The following DNER variants were observed in gnomAD, a reference collection of about 807,000 sequenced individuals.
The protein encoded by DNER is delta and Notch-like epidermal growth factor-related receptor.
In DNER, 33 loss-of-function variants were observed where a neutral mutation model predicts 78.2. The ratio of observed to expected loss-of-function variants is 0.42; its 90% CI spans 0.32 to 0.56. The LOEUF (loss-of-function observed/expected upper bound fraction) is 0.56, where lower values mean the gene tolerates loss of function less well. Ranked by LOEUF, DNER falls within the 20% of genes least tolerant of loss-of-function variation. The probability of loss-of-function intolerance (pLI) is 0.11; values close to 1 mark genes in which losing one functional copy is unlikely to be tolerated. For synonymous variants in DNER, 417 were observed against 384.8 expected (o/e 1.08, Z -0.98); for missense variants, 918 against 975.3 (o/e 0.94, Z 0.78).
chr2:229,417,392 G>C (rs1020855968), intron 9 of DNER, among the ~76,000 whole-genome samples: 8 of 152,230 alleles, frequency 5.3e-5, no homozygotes, highest in East Asian at 1.9e-4. Context: ...TTATGGCTTA[G>C]AGAAATGTGT....
At chr2:229,610,691 G>A (rs1429042465) in intron 1 of DNER, among the ~76,000 whole-genome samples, 2 of 151,938 alleles carry the variant, frequency 1.3e-5, no homozygotes, top group Non-Finnish European at 2.9e-5. Context: ...CTCAACCACC[G>A]ACAGTGTACT....
chr2:229,457,860 A>T (rs1694609824), intron 7 of DNER, among the ~76,000 whole-genome samples: 1 of 151,640 alleles, frequency 6.6e-6, no homozygotes, highest in South Asian at 2.1e-4. Context: ...AAGTAAGGAC[A>T]GGTGCGGTGG....
intron 7 of DNER, among the ~76,000 whole-genome samples, chr2:229,460,942 C>T (rs1694685884): frequency 6.6e-6 from 1 of 152,038 alleles, no homozygotes; most frequent in Admixed American, 6.6e-5. Context: ...GTCCGATTCC[C>T]CCTTGTAGAA....
intron 7 of DNER, among the ~76,000 whole-genome samples, chr2:229,462,462 G>A (rs986048917): frequency 5.3e-5 from 8 of 152,008 alleles, no homozygotes; most frequent in Admixed American, 3.3e-4. Flanking sequence ...ATACCTGATT[G>A]TTTTTCTTCT....
At chr2:229,636,517 T>G (rs939116647) in intron 1 of DNER, among the ~76,000 whole-genome samples, 4 of 152,188 alleles carry the variant, frequency 2.6e-5, no homozygotes, top group African/African-American at 9.7e-5. Context: ...AAGTCCTGCG[T>G]CTTACTGACT....
At chr2:229,482,106 A>G (rs555152820) in intron 6 of DNER, among the ~76,000 whole-genome samples, 1 of 152,378 alleles carries the variant, frequency 6.6e-6, no homozygotes, top group African/African-American at 2.4e-5. Context: ...CCATGGAGGC[A>G]AGTATCAGCA....
At chr2:229,687,466 G>A (rs1048849374) in intron 1 of DNER, among the ~76,000 whole-genome samples, 2 of 151,900 alleles carry the variant, frequency 1.3e-5, no homozygotes, top group African/African-American at 4.8e-5. Flanking sequence ...GTTTCATCAT[G>A]TTGGCCAGGC....
intron 1 of DNER, among the ~76,000 whole-genome samples, chr2:229,621,050 G>A (rs537923181): frequency 9.9e-5 from 15 of 152,216 alleles, no homozygotes; most frequent in Admixed American, 5.2e-4. Flanking sequence ...TTGTTATGAC[G>A]CCTTAGCTAA....
intron 12 of DNER, among the ~76,000 whole-genome samples, chr2:229,365,887 A>G (rs185771319): frequency 2.0e-5 from 3 of 152,378 alleles, no homozygotes; most frequent in African/African-American, 7.2e-5. Context: ...GCTTGAGATT[A>G]TTCAATTAAC....
intron 11 of DNER, among the ~76,000 whole-genome samples, chr2:229,381,918 T>C (rs992163773): frequency 1.3e-4 from 20 of 152,294 alleles, no homozygotes; most frequent in African/African-American, 4.3e-4. Flanking sequence ...AGCACAGCAC[T>C]TGAGCTCTGT....
At chr2:229,454,837 C>T (rs1694536779) in intron 7 of DNER, among the ~76,000 whole-genome samples, 2 of 151,964 alleles carry the variant, frequency 1.3e-5, no homozygotes, top group African/African-American at 4.8e-5. Flanking sequence ...TCAGTATATA[C>T]TGAGGAGAGA....
chr2:229,422,147 C>T (rs1461956888), intron 8 of DNER, among the ~76,000 whole-genome samples: 1 of 152,052 alleles, frequency 6.6e-6, no homozygotes, highest in Non-Finnish European at 1.5e-5. Flanking sequence ...TGTCAAGGCA[C>T]CCTTTATACT....
chr2:229,711,664 T>G (rs1175293834), intron 1 of DNER, among the ~76,000 whole-genome samples: 1 of 152,220 alleles, frequency 6.6e-6, no homozygotes, highest in East Asian at 1.9e-4. Flanking sequence ...GCTAACACTA[T>G]TGTCTTTGGA....
intron 1 of DNER, among the ~76,000 whole-genome samples, chr2:229,609,726 C>T (rs773130451): frequency 1.3e-5 from 2 of 152,210 alleles, no homozygotes; most frequent in Non-Finnish European, 2.9e-5. Context: ...CAGTGTCACA[C>T]ATTGCTGCTT....
intron 1 of DNER, among the ~76,000 whole-genome samples, chr2:229,611,158 T>C (rs966525255): frequency 6.6e-6 from 1 of 152,232 alleles, no homozygotes; most frequent in Non-Finnish European, 1.5e-5. Flanking sequence ...GTCCCAGCAG[T>C]ATGTAACTGC....
chr2:229,453,405 A>C (rs190969741), intron 7 of DNER, among the ~76,000 whole-genome samples: 1 of 152,286 alleles, frequency 6.6e-6, no homozygotes, highest in East Asian at 1.9e-4. Context: ...GCAGTTGTTC[A>C]ATAGTCATTA....
At chr2:229,698,633 T>C (rs916833203) in intron 1 of DNER, among the ~76,000 whole-genome samples, 2 of 152,104 alleles carry the variant, frequency 1.3e-5, no homozygotes, top group Admixed American at 1.3e-4. Flanking sequence ...TTATTTTCCT[T>C]AGGAGACAAA....
At chr2:229,358,991 T>C (rs1433952927) in intron 12 of DNER, among the ~76,000 whole-genome samples, 1 of 152,180 alleles carries the variant, frequency 6.6e-6, no homozygotes, top group African/African-American at 2.4e-5. Flanking sequence ...CCATAAATAT[T>C]TGGAGAGGTG....
In DNER at chr2:229,447,410, G is replaced by A. The variant is rs1321571921; in HGVS notation, c.1392C>T (p.Thr464=). 34 of 1,613,838 alleles carry A rather than the reference G, an allele frequency of 2.1e-5. No individual in the cohort carries two copies. Among genetic ancestry groups the A allele is most frequent in the Non-Finnish European group, 2.8e-5 (33 of 1,179,958 alleles). The change falls in exon 8 of 13, where the codon ACC becomes ACT. Residue 464 remains threonine, a synonymous_variant. Coordinates refer to ENST00000341772, the MANE Select transcript of DNER (RefSeq NM_139072.4). ...CNCSPGFTGP[T]CAQLIDFCAL... is the part of the protein sequence containing the mutation. ...CACAGAAGTCAATAAGCTGGGCACA[G>A]GTCGGCCCTGTGAAGCCCGGGCTGC...
Sources: allele counts gnomAD v4.1 joint callset (sites outside exome capture counted in the v4.1 genomes callset), GRCh38; gene constraint gnomAD v4.1.1; transcripts MANE v1.5; gene names NCBI Gene and HGNC (gene_info 2026-07-23, HGNC 2026-07-21).